The following TIMD4 variants were observed in gnomAD, a reference collection of about 807,000 sequenced individuals.
The protein encoded by TIMD4 is T-cell immunoglobulin and mucin domain-containing protein 4.
TIMD4 carries 31 observed loss-of-function variants against 41.2 expected under a neutral mutation model. The ratio of observed to expected loss-of-function variants is 0.75; its 90% CI spans 0.57 to 1.01. TIMD4 has a LOEUF of 1.01. Ranked by LOEUF, TIMD4 falls within the 50% of genes least tolerant of loss-of-function variation. TIMD4 has a pLI of 0.00. For missense variants in TIMD4, 479 were observed against 472.5 expected (o/e 1.01, Z -0.13); for synonymous variants, 204 against 177.1 (o/e 1.15, Z -1.21).
At chr5:156,930,143 G>A (rs1390964279) in intron 5 of TIMD4, among the ~76,000 whole-genome samples, 2 of 151,994 alleles carry the variant, frequency 1.3e-5, no homozygotes, top group African/African-American at 2.4e-5. Context: ...TGTATTTTTA[G>A]TAGAGACAGG....
At chr5:156,940,451 C>T (rs1433919162) in intron 5 of TIMD4, among the ~76,000 whole-genome samples, 3 of 151,660 alleles carry the variant, frequency 2.0e-5, no homozygotes, top group Non-Finnish European at 2.9e-5. Context: ...TCTGCCCGGC[C>T]GCCCAGCCTG....
intron 5 of TIMD4, among the ~76,000 whole-genome samples, chr5:156,940,155 G>A (rs1005078984): frequency 4.6e-5 from 7 of 152,350 alleles, no homozygotes; most frequent in Middle Eastern, 3.4e-3. Context: ...ACGGGGTTTC[G>A]CCCTGTTGGC....
intron 5 of TIMD4, among the ~76,000 whole-genome samples, chr5:156,933,002 T>C (rs975246871): frequency 4.8e-5 from 6 of 123,826 alleles, no homozygotes; most frequent in Non-Finnish European, 1.0e-4. Context: ...AGACTCTGTC[T>C]CAAAAAAAGA....
chr5:156,963,213 G>C lies in TIMD4; in HGVS notation c.-15C>G, dbSNP rs576078904. 1 of 1,613,986 alleles carries C rather than the reference G, an allele frequency of 6.2e-7. No individual in the cohort carries two copies. The highest frequency in any genetic ancestry group is 1.1e-5 in the South Asian group (1 of 91,074). ...TCTTTGGACATTTTGACGGTTGACC[G>C]GACCCAGGAGTCTGTCTATCTATCC... On this transcript the variant is annotated 5_prime_UTR_variant, in exon 1 of 9. Transcript: ENST00000274532.
At chr5:156,954,083 A>T (rs1759916267) in intron 2 of TIMD4, among the ~76,000 whole-genome samples, 1 of 152,174 alleles carries the variant, frequency 6.6e-6, no homozygotes. Flanking sequence ...AAATCTGGCA[A>T]CATGTAAAAA....
At chr5:156,940,191 C>T (rs1291027674) in intron 5 of TIMD4, among the ~76,000 whole-genome samples, 2 of 152,234 alleles carry the variant, frequency 1.3e-5, no homozygotes, top group African/African-American at 4.8e-5. Context: ...CTCCTGACCT[C>T]GAGTGATCTG....
chr5:156,946,676 G>T (rs935443777), intron 5 of TIMD4, among the ~76,000 whole-genome samples: 1 of 150,764 alleles, frequency 6.6e-6, no homozygotes, highest in Admixed American at 6.6e-5. Context: ...TAGTAGAGAC[G>T]GGGTTTCACC....
At chr5:156,945,806 G>C (rs1759728725) in intron 5 of TIMD4, among the ~76,000 whole-genome samples, 1 of 151,876 alleles carries the variant, frequency 6.6e-6, no homozygotes, top group Non-Finnish European at 1.5e-5. Context: ...AGACATCCCA[G>C]ACCTGACACC....
intron 4 of TIMD4, among the ~76,000 whole-genome samples, chr5:156,948,861 C>T (rs1759796330): frequency 1.3e-5 from 2 of 152,230 alleles, no homozygotes; most frequent in Admixed American, 6.5e-5. Flanking sequence ...GCTGTACTAT[C>T]ACAAACGCTG....
intron 5 of TIMD4, among the ~76,000 whole-genome samples, chr5:156,940,294 C>G (rs568619622): frequency 6.6e-6 from 1 of 152,368 alleles, no homozygotes; most frequent in African/African-American, 2.4e-5. Context: ...GTGGCGTGAT[C>G]TCGGCTTGCT....
At chr5:156,922,546 G>T (rs940967321) in intron 6 of TIMD4, among the ~76,000 whole-genome samples, 1 of 152,148 alleles carries the variant, frequency 6.6e-6, no homozygotes, top group Non-Finnish European at 1.5e-5. Flanking sequence ...TCTTTTCATG[G>T]CTGACTTAGG....
chr5:156,942,800 G>C (rs1435373078), intron 5 of TIMD4, among the ~76,000 whole-genome samples: 1 of 152,160 alleles, frequency 6.6e-6, no homozygotes, highest in African/African-American at 2.4e-5. Context: ...TGATTCTCAA[G>C]CCTAAATTAT....
intron 3 of TIMD4, 21 bp from the exon 4 acceptor site, chr5:156,949,752 A>AT: frequency 6.5e-7 from 1 of 1,535,576 alleles, no homozygotes. Flanking sequence ...AAAAAGTTGG[A>AT]TAAAAGGCAG....
At chr5:156,948,562 G>A in intron 4 of TIMD4, 63 bp from the exon 5 acceptor site, 3 of 1,128,910 alleles carry the variant, frequency 2.7e-6, no homozygotes, top group South Asian at 1.8e-5. Flanking sequence ...CCTGCTTTTG[G>A]TACTCAACTG....
At position 156,949,622 on chromosome 5, in the gene TIMD4, G is replaced by C; in HGVS notation, c.760+29C>G. On this transcript the variant is annotated intron_variant, in intron 4 of 8. Coordinates refer to ENST00000274532, the MANE Select transcript of TIMD4 (RefSeq NM_138379.3). ...CTTCTCCTCAGTACAAAGGGTGAGG[G>C]AGGACAGAGAGAGTGAGTGTCTGCA... 5 of 1,561,740 alleles carry C rather than the reference G, an allele frequency of 3.2e-6. No homozygotes were observed. The East Asian group carries it at 1.1e-4, about 35-fold the overall frequency.
chr5:156,935,139 T>A (rs1328789880), intron 5 of TIMD4, among the ~76,000 whole-genome samples: 1 of 151,826 alleles, frequency 6.6e-6, no homozygotes, highest in East Asian at 1.9e-4. Flanking sequence ...ACAATCTGAA[T>A]GTTTAAGAGT....
intron 1 of TIMD4, among the ~76,000 whole-genome samples, chr5:156,958,740 C>T (rs1422998735): frequency 2.0e-5 from 3 of 152,146 alleles, no homozygotes; most frequent in East Asian, 3.9e-4. Context: ...ACAAAGATGC[C>T]TATTTGCAAA....
At chr5:156,934,606 A>G (rs1759505939) in intron 5 of TIMD4, among the ~76,000 whole-genome samples, 1 of 152,134 alleles carries the variant, frequency 6.6e-6, no homozygotes, top group Non-Finnish European at 1.5e-5. Context: ...TATCACATTT[A>G]ATGTTCATAA....
intron 5 of TIMD4, among the ~76,000 whole-genome samples, chr5:156,929,435 C>A (rs1438520369): frequency 1.3e-5 from 2 of 152,126 alleles, no homozygotes; most frequent in Non-Finnish European, 2.9e-5. Context: ...AAATTGTGTC[C>A]TTGCAGATGT....
Sources: gnomAD v4.1 joint callset for allele counts (sites outside exome capture counted in the v4.1 genomes callset) on GRCh38, gnomAD v4.1.1 for gene constraint, MANE v1.5 for transcripts, NCBI Gene and HGNC (gene_info 2026-07-23, HGNC 2026-07-21) for gene names.